GCNT1: variants seen among roughly 807,000 people sequenced by gnomAD.
GCNT1 encodes glucosaminyl (N-acetyl) transferase 1.
In GCNT1, 16 loss-of-function variants were observed where a neutral mutation model predicts 26.2. The observed-to-expected ratio is 0.61, with a 90% CI of 0.41 to 0.93. GCNT1 has a LOEUF of 0.93. GCNT1 is among the 40% of genes least tolerant of loss of function. The pLI is 0.00. For synonymous variants in GCNT1, 183 were observed against 190.8 expected, an observed-to-expected ratio of 0.96 and a Z score of 0.34; for missense variants, 477 against 526.7, an observed-to-expected ratio of 0.91 and a Z score of 0.92.
At position 76,506,533 on chromosome 9, in the gene GCNT1, TCCAAA is replaced by T. The variant is rs1429771137; in HGVS notation, c.*2867_*2871del. ...TGGGTGACAGAGTGAAACTCGTATC[TCCAAA>T]CAAACAAACAAAAAGTCCTTAAACA... On this transcript the variant is annotated 3_prime_UTR_variant, in exon 4 of 4. Transcript: ENST00000376730. 1 of 166,854 alleles carries T rather than the reference TCCAAA, an allele frequency of 6.0e-6. No homozygotes were observed. 10.3% of individuals were successfully genotyped at this position (166,854 alleles called of 1,614,324 possible). A position where few individuals can be genotyped will look rare whatever the true frequency, so the allele number is the denominator to read the frequency against.
the GCNT1 span, among the ~76,000 whole-genome samples, chr9:76,404,579 G>A: frequency 1.4e-4 from 22 of 152,166 alleles, no homozygotes; most frequent in African/African-American, 3.9e-4. Flanking sequence ...AAGTGATATC[G>A]TGTAACTTCA....
chr9:76,416,937 G>C (rs571677025), upstream of GCNT1, among the ~76,000 whole-genome samples: 1 of 152,196 alleles, frequency 6.6e-6, no homozygotes, highest in East Asian at 1.9e-4. Flanking sequence ...GTGGGCACCT[G>C]TAATCTCAGC....
intron 2 of GCNT1, among the ~76,000 whole-genome samples, chr9:76,460,561 G>GC (rs1398929949): frequency 6.6e-6 from 1 of 152,150 alleles, no homozygotes; most frequent in Admixed American, 6.5e-5. Flanking sequence ...TTCCAGGCAG[G>GC]CCCCCCTGCT....
intron 1 of GCNT1, among the ~76,000 whole-genome samples, chr9:76,448,626 A>C (rs1241681567): frequency 6.6e-6 from 1 of 152,080 alleles, no homozygotes; most frequent in Non-Finnish European, 1.5e-5. Context: ...CTCTCCCCAC[A>C]CTCAGCCCCA....
At chr9:76,416,399 A>G (rs1823133069), upstream of GCNT1, among the ~76,000 whole-genome samples, 1 of 152,222 alleles carries the variant, frequency 6.6e-6, no homozygotes, top group African/African-American at 2.4e-5. Context: ...GGATACCAAG[A>G]GGGCAGAGAG....
At chr9:76,473,414 T>C (rs1824183525) in intron 2 of GCNT1, among the ~76,000 whole-genome samples, 4 of 152,188 alleles carry the variant, frequency 2.6e-5, no homozygotes, top group African/African-American at 7.2e-5. Context: ...ACTGGAAATA[T>C]GGATTTTCAT....
At chr9:76,464,801 ATC>A (rs975966900) in intron 2 of GCNT1, among the ~76,000 whole-genome samples, 5 of 152,266 alleles carry the variant, frequency 3.3e-5, no homozygotes, top group South Asian at 2.1e-4. Context: ...TCTTTAGTTC[ATC>A]TCTCTCACAT....
chr9:76,419,003 T>C (rs1823155514), upstream of GCNT1, among the ~76,000 whole-genome samples: 1 of 152,170 alleles, frequency 6.6e-6, no homozygotes, highest in East Asian at 1.9e-4. Flanking sequence ...GACAAAATGT[T>C]AGTGGAGGCT....
At chr9:76,410,244 C>G in the GCNT1 span, among the ~76,000 whole-genome samples, 1 of 151,992 alleles carries the variant, frequency 6.6e-6, no homozygotes, top group Non-Finnish European at 1.5e-5. Context: ...CCAGCCTGAC[C>G]GACATGATGA....
At chr9:76,428,699 A>ATTTTT (rs5898475) in intron 1 of GCNT1, among the ~76,000 whole-genome samples, 3 of 130,126 alleles carry the variant, frequency 2.3e-5, no homozygotes, top group African/African-American at 2.9e-5. Context: ...TGCGTATTCT[A>ATTTTT]TTTTTTTTTT....
upstream of GCNT1, among the ~76,000 whole-genome samples, chr9:76,457,206 C>T (rs982010939): frequency 4.6e-5 from 7 of 152,080 alleles, no homozygotes; most frequent in Non-Finnish European, 8.8e-5. Context: ...GAATTACAAG[C>T]GTGAGCCATT....
chr9:76,445,134 A>C (rs1311779614), intron 1 of GCNT1, among the ~76,000 whole-genome samples: 1 of 152,200 alleles, frequency 6.6e-6, no homozygotes, highest in East Asian at 1.9e-4. Context: ...ACATTTTTGC[A>C]TGCTGATAGG....
At chr9:76,483,985 A>C (rs1824496268) in intron 2 of GCNT1, among the ~76,000 whole-genome samples, 1 of 151,776 alleles carries the variant, frequency 6.6e-6, no homozygotes, top group Non-Finnish European at 1.5e-5. Context: ...TGGCCTGAAA[A>C]CTTTTTTATT....
At chr9:76,476,259 A>G (rs17062620) in intron 2 of GCNT1, among the ~76,000 whole-genome samples, 4,293 of 152,208 alleles carry the variant, frequency 0.028, 202 homozygotes, top group African/African-American at 0.098. Context: ...AAAACCCAAG[A>G]CGTGTGGCCC....
chr9:76,407,058 G>A, the GCNT1 span, among the ~76,000 whole-genome samples: 2 of 151,936 alleles, frequency 1.3e-5, no homozygotes, highest in South Asian at 2.1e-4. Context: ...AAAATAAAAA[G>A]TCATTCCCAT....
At chr9:76,416,122 A>AT (rs1823130280), upstream of GCNT1, among the ~76,000 whole-genome samples, 1 of 151,954 alleles carries the variant, frequency 6.6e-6, no homozygotes, top group African/African-American at 2.4e-5. Context: ...CATACCCCCC[A>AT]TCCCATACCC....
chr9:76,482,048 C>G (rs1824437393), intron 2 of GCNT1, among the ~76,000 whole-genome samples: 1 of 152,072 alleles, frequency 6.6e-6, no homozygotes. Flanking sequence ...AGAAGGTTTG[C>G]CCTTTGCTAG....
chr9:76,483,576 A>T (rs905723056), intron 2 of GCNT1, among the ~76,000 whole-genome samples: 1 of 151,918 alleles, frequency 6.6e-6, no homozygotes, highest in Non-Finnish European at 1.5e-5. Context: ...CACCACACCC[A>T]GCTAATTTTT....
At chr9:76,456,126 G>C (rs1188429178), upstream of GCNT1, among the ~76,000 whole-genome samples, 1 of 152,120 alleles carries the variant, frequency 6.6e-6, no homozygotes, top group Non-Finnish European at 1.5e-5. Context: ...CTTCTGCTTT[G>C]TGAGCCAGGG....
Sources: allele counts gnomAD v4.1 joint callset (sites outside exome capture counted in the v4.1 genomes callset), GRCh38; gene constraint gnomAD v4.1.1; transcripts MANE v1.5; gene names NCBI Gene and HGNC (gene_info 2026-07-23, HGNC 2026-07-21).